Variants in MEX3C observed in about 807,000 individuals in gnomAD.
MEX3C encodes the protein RNA-binding E3 ubiquitin-protein ligase MEX3C.
In MEX3C, 15 loss-of-function variants were observed where a neutral mutation model predicts 35.5. The ratio of observed to expected loss-of-function variants is 0.42; its 90% CI spans 0.28 to 0.65. MEX3C has a LOEUF of 0.65. Among genes scored for constraint, MEX3C ranks in the 30% least tolerant of loss-of-function variants. The probability of loss-of-function intolerance (pLI) is 0.20; values close to 1 mark genes in which losing one functional copy is unlikely to be tolerated. For synonymous variants in MEX3C, 390 were observed against 352.8 expected (o/e 1.11, Z -1.18); for missense variants, 711 against 842.8 (o/e 0.84, Z 1.94).
At chr18:51,180,293 G>A (rs368016873) in intron 1 of MEX3C, among the ~76,000 whole-genome samples, 3 of 152,086 alleles carry the variant, frequency 2.0e-5, no homozygotes, top group African/African-American at 7.2e-5. Context: ...CCTATGGTTG[G>A]TATTAATAAA....
At position 51,176,210 on chromosome 18, in the gene MEX3C, T is replaced by C. The variant is rs1912297818; in HGVS notation, c.*141A>G. The C allele has an allele frequency of 2.4e-6, 2 of 843,578 alleles. No homozygotes were observed. Among genetic ancestry groups the C allele is most frequent in the Admixed American group, 3.1e-5 (1 of 31,814 alleles). The allele number at this position is 843,578 out of a possible 1,614,324, so 52.3% of individuals were successfully genotyped here. ...TGTTACCATAGCAGCCTTTTATAAG[T>C]TTACTAACAACTTTAGCCTAATCCC... On this transcript the variant is annotated 3_prime_UTR_variant, in exon 2 of 2. Coordinates refer to ENST00000406189, the MANE Select transcript of MEX3C (RefSeq NM_016626.5).
intron 1 of MEX3C, among the ~76,000 whole-genome samples, chr18:51,178,190 G>T (rs1284461629): frequency 1.1e-4 from 17 of 152,096 alleles, no homozygotes; most frequent in Admixed American, 1.1e-3. Context: ...CCATTTAAAA[G>T]AAACAGATAC....
At chr18:51,191,313 T>C (rs1012192287) in intron 1 of MEX3C, among the ~76,000 whole-genome samples, 5 of 152,158 alleles carry the variant, frequency 3.3e-5, no homozygotes, top group Admixed American at 2.6e-4. Context: ...GATCTAACAT[T>C]TTAAGACCAG....
intron 1 of MEX3C, among the ~76,000 whole-genome samples, chr18:51,189,185 G>A (rs1280814017): frequency 2.6e-5 from 4 of 152,166 alleles, no homozygotes. Flanking sequence ...AACATTTAAA[G>A]AAACTCCTAA....
At position 51,182,280 on chromosome 18, in the gene MEX3C, A is replaced by C. The variant is rs1319120213; in HGVS notation, c.755-4704T>G. 2.1e-5 allele frequency among the ~76,000 whole-genome samples: 3 copies of C among 145,762 alleles called. No homozygotes were observed. The Admixed American group carries it at 2.1e-4, about 10-fold the overall frequency. ...CATCCACTTAAGGTCTTGGGAAGGCATCCCTGTTGGATAAGGGGGGGACTA... is the reference window on the plus strand; with the variant it reads ...CATCCACTTAAGGTCTTGGGAAGGCCTCCCTGTTGGATAAGGGGGGGACTA... On this transcript the variant is annotated intron_variant, in intron 1 of 1. Coordinates refer to ENST00000406189, the MANE Select transcript of MEX3C (RefSeq NM_016626.5).
chr18:51,187,856 C>G (rs1251471409), intron 1 of MEX3C, among the ~76,000 whole-genome samples: 2 of 152,128 alleles, frequency 1.3e-5, no homozygotes, highest in Non-Finnish European at 2.9e-5. Flanking sequence ...TATTCAAAAG[C>G]TCCTTTCATT....
chr18:51,183,060 G>A (rs543564988), intron 1 of MEX3C, among the ~76,000 whole-genome samples: 12 of 152,216 alleles, frequency 7.9e-5, no homozygotes, highest in Non-Finnish European at 1.6e-4. Context: ...AGAAAACCTG[G>A]GTTTAAGATC....
Position 51,197,074 on chromosome 18 carries a change from G to C in MEX3C, c.247C>G (p.Arg83Gly), listed in dbSNP as rs1912824255. The C allele has an allele frequency of 1.5e-6, 2 of 1,329,964 alleles. No individual in the cohort carries two copies. The highest frequency in any genetic ancestry group is 7.9e-5 in the Admixed American group (2 of 25,388). 82.4% of individuals were successfully genotyped at this position (1,329,964 alleles called of 1,614,324 possible). A position where few individuals can be genotyped will look rare whatever the true frequency, so the allele number is the denominator to read the frequency against. Residue 83 changes from arginine to glycine, a missense_variant, in exon 1 of 2, where the codon CGG (arginine) becomes GGG (glycine). Physicochemically the swap from Arg to Gly is moderately radical, Grantham distance 125 (BLOSUM62 -2). Around this residue, in one of 4 missense-constraint regions of MEX3C, gnomAD observed 354 missense variants for 311.6 expected, o/e 1.14. Coordinates refer to ENST00000406189, the MANE Select transcript of MEX3C (RefSeq NM_016626.5). ...PAAAAQGQAR[R>G]AAELSPEERA... ...TCCTCTGGAGACAGCTCCGCCGCCC[G>C]CCGGGCCTGGCCCTGCGCCGCCGCT...
rs1912423794 is a variant in MEX3C, at chr18:51,181,295, TAC to T, written c.755-3721_755-3720del. 2.0e-5 allele frequency among the ~76,000 whole-genome samples: 3 copies of T among 149,342 alleles called. No individual in the cohort carries two copies. The Admixed American group carries it at 2.0e-4, about 10-fold the overall frequency. ...AGAAATGGCTAATTTCTCACTTTCT[TAC>T]ACACACACAAACACACACATACACG... On this transcript the variant is annotated intron_variant, in intron 1 of 1. Coordinates refer to ENST00000406189, the MANE Select transcript of MEX3C (RefSeq NM_016626.5).
Position 51,197,346 on chromosome 18 carries a change from C to A in MEX3C, c.-26G>T. 3.2e-6 allele frequency: 1 copy of A among 309,812 alleles called. No homozygotes were observed. Among genetic ancestry groups the A allele is most frequent in the Non-Finnish European group, 4.7e-6 (1 of 213,224 alleles). The allele number at this position is 309,812 out of a possible 1,614,324, so 19.2% of individuals were successfully genotyped here. The stretch of plus-strand genomic sequence containing the variant: ...CGCGGCGGCGCGCTGTCAATGGCGG[C>A]GGCGGCGGCCGGGTCAGGCGCGGCA... On this transcript the variant is annotated 5_prime_UTR_variant, in exon 1 of 2. Coordinates refer to ENST00000406189, the MANE Select transcript of MEX3C (RefSeq NM_016626.5).
rs1464415831 is a variant in MEX3C, at chr18:51,197,228, AGGCGGCGGTGGCGGCGGCGGC to A, written c.72_92del (p.Pro25_Pro31del). On this transcript the variant is annotated inframe_deletion, in exon 1 of 2. Coordinates refer to ENST00000406189, the MANE Select transcript of MEX3C (RefSeq NM_016626.5). ...CCGGGCCGCCCGAGGGCGGCGGCAGAGGCGGCGGTGGCGGCGGCGGCGGCGGGGGCGGCTGCGGCAGGGGGG... is the reference window on the plus strand; with the variant it reads ...CCGGGCCGCCCGAGGGCGGCGGCAGAGGCGGGGGCGGCTGCGGCAGGGGGG... The A allele has an allele frequency of 3.0e-6, 3 of 994,566 alleles. No homozygotes were observed. The highest frequency in any genetic ancestry group is 3.6e-6 in the Non-Finnish European group (3 of 838,190). 61.6% of individuals were successfully genotyped at this position (994,566 alleles called of 1,614,324 possible).
chr18:51,186,438 C>G (rs949919241), intron 1 of MEX3C, among the ~76,000 whole-genome samples: 1 of 152,162 alleles, frequency 6.6e-6, no homozygotes, highest in Non-Finnish European at 1.5e-5. Context: ...AGCAAGGAAT[C>G]AAGAGTACAG....
At chr18:51,195,612 C>A (rs1353199621) in intron 1 of MEX3C, 1 of 152,160 alleles carries the variant, frequency 6.6e-6, no homozygotes, top group Admixed American at 6.5e-5. Flanking sequence ...CATTGTCATG[C>A]GGTGGCAGCA....
chr18:51,197,065 C>A lies in MEX3C; in HGVS notation c.256G>T (p.Glu86Ter). 1 of 1,402,824 alleles carries A rather than the reference C, an allele frequency of 7.1e-7. No individual in the cohort carries two copies. Among genetic ancestry groups the A allele is most frequent in the Non-Finnish European group, 9.2e-7 (1 of 1,084,706 alleles). 86.9% of individuals were successfully genotyped at this position (1,402,824 alleles called of 1,614,324 possible). ...GGAGCCCGCTCCTCTGGAGACAGCT[C>A]CGCCGCCCGCCGGGCCTGGCCCTGC... ...AAQGQARRAAELSPEERAPPG... is the reference protein window; with the variant it reads ...AAQGQARRAA Residue 86 changes from glutamate to a stop codon, truncating the protein, a stop_gained, in exon 1 of 2, where the codon GAG becomes TAG. Coordinates refer to ENST00000406189, the MANE Select transcript of MEX3C (RefSeq NM_016626.5). LOFTEE classifies it high-confidence loss of function.
chr18:51,178,374 C>CTT lies in MEX3C; in HGVS notation c.755-800_755-799dup, dbSNP rs80087001. Among the ~76,000 whole-genome samples the CTT allele has an allele frequency of 1.6e-3, 238 of 145,028 alleles. 1 individual carries two copies. Among genetic ancestry groups the CTT allele is most frequent in the African/African-American group, 5.6e-3 (221 of 39,480 alleles). ...TTACGTAATTCTCCACTTTAACCAA[C>CTT]TTTTTTTTTTTTTTTTGAGTAATCA... On this transcript the variant is annotated intron_variant, in intron 1 of 1. Coordinates refer to ENST00000406189, the MANE Select transcript of MEX3C (RefSeq NM_016626.5).
rs1276513532 is a variant in MEX3C at position 51,176,510 on chromosome 18, G to A, written c.1821C>T (p.Asp607=). ...CCTCATTCTCAAAGCAAATCACACA[G>A]TCGTGCTTTCGTCTTGATTCTGGAG... ...SSPPESRRKH[D]CVICFENEVI... The change falls in exon 2 of 2, where the codon GAC becomes GAT. Residue 607 remains aspartate (D), a synonymous_variant. Transcript: ENST00000406189. 6.2e-7 allele frequency: 1 copy of A among 1,613,890 alleles called. No homozygotes were observed. The highest frequency in any genetic ancestry group is 1.7e-5 in the Admixed American group (1 of 60,004).
At chr18:51,189,518 TA>T (rs1912609369) in intron 1 of MEX3C, among the ~76,000 whole-genome samples, 1 of 152,204 alleles carries the variant, frequency 6.6e-6, no homozygotes, top group South Asian at 2.1e-4. Flanking sequence ...CAAGGTATTT[TA>T]AAAAACAGAA....
intron 1 of MEX3C, among the ~76,000 whole-genome samples, chr18:51,178,872 AACC>A (rs1912362458): frequency 1.3e-5 from 2 of 151,586 alleles, no homozygotes; most frequent in African/African-American, 4.8e-5. Context: ...AAAAAAAAAA[AACC>A]AAACAAACAA....
At chr18:51,180,270 G>GT (rs1178955625) in intron 1 of MEX3C, among the ~76,000 whole-genome samples, 8 of 152,216 alleles carry the variant, frequency 5.3e-5, no homozygotes, top group Admixed American at 2.6e-4. Flanking sequence ...AGGGTCCACA[G>GT]AACACTATCT....
Sources: allele counts gnomAD v4.1 joint callset (sites outside exome capture counted in the v4.1 genomes callset), GRCh38; gene constraint gnomAD v4.1.1; regional missense constraint gnomAD v4.1.1; transcripts MANE v1.5; gene names NCBI Gene and HGNC (gene_info 2026-07-23, HGNC 2026-07-21).